The following CCDC148 variants were observed in gnomAD, a reference collection of about 807,000 sequenced individuals.
CCDC148 encodes coiled-coil domain-containing protein 148.
A neutral mutation model predicts 85.7 loss-of-function variants in CCDC148; 89 were observed. The observed-to-expected ratio is 1.04, with a 90% CI of 0.87 to 1.24. The LOEUF is 1.24. Ranked by LOEUF, CCDC148 falls within the 50% of genes most tolerant of loss-of-function variation. The pLI, the probability that CCDC148 is intolerant of heterozygous loss-of-function variation, is 0.00. For missense variants in CCDC148, 692 were observed against 671.7 expected, an observed-to-expected ratio of 1.03 and a Z score of -0.33; for synonymous variants, 230 against 213.9, an observed-to-expected ratio of 1.08 and a Z score of -0.66.
At chr2:158,394,043 A>G (rs1307744954) in intron 1 of CCDC148, among the ~76,000 whole-genome samples, 1 of 152,118 alleles carries the variant, frequency 6.6e-6, no homozygotes, top group African/African-American at 2.4e-5. Context: ...AATACCAGTA[A>G]GGGACTCTGA....
At chr2:158,366,076 TC>T in intron 1 of CCDC148, 11 of 1,525,922 alleles carry the variant, frequency 7.2e-6, no homozygotes, top group Non-Finnish European at 9.7e-6. Flanking sequence ...GTTTTCCGTA[TC>T]TGTTAAGGAA....
chr2:158,406,734 C>T lies in CCDC148; in HGVS notation c.26-48164G>A, dbSNP rs1281010904. ...ACCTCTCAGACTCAGGTGATCCTCC[C>T]ACCTCAGCCTCCCAAGTAGCTGGAG... On this transcript the variant is annotated intron_variant, in intron 1 of 13. Coordinates refer to ENST00000283233, the MANE Select transcript of CCDC148 (RefSeq NM_138803.4). 1.3e-5 allele frequency among the ~76,000 whole-genome samples: 2 copies of T among 150,368 alleles called. 1 individual carries two copies. The highest frequency in any genetic ancestry group is 6.4e-3 in the Middle Eastern group (2 of 312).
intron 10 of CCDC148, chr2:158,235,901 A>G (rs1688084059): frequency 6.6e-6 from 1 of 152,324 alleles, no homozygotes. Flanking sequence ...TGGTCAGTAC[A>G]ACCCTGCAGG....
At chr2:158,227,639 C>A (rs1459731268) in intron 10 of CCDC148, among the ~76,000 whole-genome samples, 1 of 152,106 alleles carries the variant, frequency 6.6e-6, no homozygotes, top group African/African-American at 2.4e-5. Context: ...ACAGAGCCCT[C>A]AGAAATAATG....
intron 11 of CCDC148, among the ~76,000 whole-genome samples, chr2:158,197,230 G>A (rs1029101706): frequency 6.6e-6 from 1 of 152,104 alleles, no homozygotes. Flanking sequence ...AATTCAATGA[G>A]AGAAAATTAT....
At chr2:158,428,738 A>C (rs113723373) in intron 1 of CCDC148, among the ~76,000 whole-genome samples, 9,388 of 151,924 alleles carry the variant, frequency 0.062, 414 homozygotes, top group Admixed American at 0.11. Flanking sequence ...CGATTCCTCA[A>C]GGATCTAGAA....
chr2:158,367,165 A>C (rs1187263994), intron 1 of CCDC148, among the ~76,000 whole-genome samples: 1 of 152,214 alleles, frequency 6.6e-6, no homozygotes, highest in Non-Finnish European at 1.5e-5. Context: ...GGAGTGGCAG[A>C]AAATTTGGAA....
Position 158,250,852 on chromosome 2 carries a change from T to A in CCDC148, c.1171A>T (p.Arg391Ter). The A allele has an allele frequency of 1.2e-6, 2 of 1,608,620 alleles. No individual in the cohort carries two copies. The part of the protein sequence containing the change: ...VARLEMEISA[R>*]RREKEEEKEK... ...TTCTCCTCTTCCTTTTCTCTTCTTC[T>A]GGCAGAAATTTCCATTTCCAGTCTT... is the stretch of plus-strand genomic sequence containing the variant. The change falls in exon 10 of 14, where the codon AGA (arginine) becomes TGA (stop). Residue 391 changes from arginine (R) to a stop codon, truncating the protein, a stop_gained. Transcript: ENST00000283233. LOFTEE classifies it high-confidence loss of function.
At chr2:158,414,474 C>T (rs1463815960) in intron 1 of CCDC148, among the ~76,000 whole-genome samples, 1 of 152,092 alleles carries the variant, frequency 6.6e-6, no homozygotes, top group Non-Finnish European at 1.5e-5. Flanking sequence ...TGCCCAGTGC[C>T]CAATAGCCTA....
At chr2:158,186,327 C>T (rs1241788211) in intron 11 of CCDC148, among the ~76,000 whole-genome samples, 1 of 152,014 alleles carries the variant, frequency 6.6e-6, no homozygotes, top group Non-Finnish European at 1.5e-5. Context: ...TAGAACTGTT[C>T]CCCTGCCAAC....
chr2:158,405,947 C>A (rs945147512), intron 1 of CCDC148, among the ~76,000 whole-genome samples: 8 of 152,020 alleles, frequency 5.3e-5, no homozygotes, highest in Admixed American at 1.3e-4. Context: ...GGAATGATTT[C>A]TATGATTATT....
intron 11 of CCDC148, 131 bp downstream of exon 11, chr2:158,220,464 T>A (rs1203281737): frequency 6.3e-6 from 4 of 637,644 alleles, no homozygotes; most frequent in Non-Finnish European, 1.1e-5. Context: ...TTGTATTCAT[T>A]TGTGAATATA....
intron 9 of CCDC148, among the ~76,000 whole-genome samples, chr2:158,270,603 TG>T (rs1383831312): frequency 1.3e-5 from 2 of 152,206 alleles, no homozygotes; most frequent in African/African-American, 2.4e-5. Context: ...TTTTGACAAC[TG>T]ACACCACTTG....
At chr2:158,184,218 C>T (rs181609686) in intron 11 of CCDC148, among the ~76,000 whole-genome samples, 227 of 152,242 alleles carry the variant, frequency 1.5e-3, no homozygotes, top group Non-Finnish European at 2.1e-3. Flanking sequence ...AAAGAAAACT[C>T]ACAGGGTCTC....
chr2:158,419,512 T>C lies in CCDC148; in HGVS notation c.25+36903A>G, dbSNP rs567958522. Among the ~76,000 whole-genome samples the C allele has an allele frequency of 3.9e-5, 6 of 152,306 alleles. No individual in the cohort carries two copies. The East Asian group carries it at 1.2e-3, about 29-fold the overall frequency. ...GATCCTGGCCTTGCCACTTACTAACTATGGCTTTGAACAATTTGCTTAATT... is the reference window on the plus strand; with the variant it reads ...GATCCTGGCCTTGCCACTTACTAACCATGGCTTTGAACAATTTGCTTAATT... On this transcript the variant is annotated intron_variant, in intron 1 of 13. Transcript: ENST00000283233.
chr2:158,363,741 T>C (rs1559100905), intron 1 of CCDC148, among the ~76,000 whole-genome samples: 1 of 152,210 alleles, frequency 6.6e-6, no homozygotes, highest in Non-Finnish European at 1.5e-5. Context: ...GCATTCCCTT[T>C]GAAAACTGGC....
chr2:158,435,052 T>G (rs1048778330), intron 1 of CCDC148, among the ~76,000 whole-genome samples: 1 of 152,200 alleles, frequency 6.6e-6, no homozygotes, highest in African/African-American at 2.4e-5. Context: ...GAAAACACTC[T>G]GCAGGATGTT....
chr2:158,382,971 GAC>G (rs1684940413), intron 1 of CCDC148, among the ~76,000 whole-genome samples: 1 of 151,472 alleles, frequency 6.6e-6, no homozygotes, highest in Non-Finnish European at 1.5e-5. Context: ...ATATTTCAAT[GAC>G]ACAGTTTTAC....
intron 3 of CCDC148, among the ~76,000 whole-genome samples, chr2:158,344,189 TCAAA>T (rs1246394574): frequency 6.6e-6 from 1 of 152,072 alleles, no homozygotes; most frequent in Non-Finnish European, 1.5e-5. Context: ...TTCAATAGGC[TCAAA>T]CATTCACTCC....
Sources: gnomAD v4.1 joint callset for allele counts (sites outside exome capture counted in the v4.1 genomes callset) on GRCh38, gnomAD v4.1.1 for gene constraint, MANE v1.5 for transcripts, NCBI Gene and HGNC (gene_info 2026-07-23, HGNC 2026-07-21) for gene names.